The following KLHL36 variants were observed in gnomAD, a reference collection of about 807,000 sequenced individuals.
The protein encoded by KLHL36 is kelch like family member 36.
A neutral mutation model predicts 53.3 loss-of-function variants in KLHL36; 35 were observed. The observed-to-expected ratio is 0.66, with a 90% CI of 0.50 to 0.87. The LOEUF (loss-of-function observed/expected upper bound fraction) is 0.87, where lower values mean the gene tolerates loss of function less well. Among genes scored for constraint, KLHL36 ranks in the 40% least tolerant of loss-of-function variants. The pLI is 0.00. For synonymous variants in KLHL36, 472 were observed against 398.9 expected, an observed-to-expected ratio of 1.18 and a Z score of -2.18; for missense variants, 864 against 897.6, an observed-to-expected ratio of 0.96 and a Z score of 0.48.
At position 84,650,910 on chromosome 16, in the gene KLHL36, A is replaced by G. The variant is rs1418616088; in HGVS notation, c.43A>G (p.Lys15Glu). 2 of 1,611,474 alleles carry G rather than the reference A, an allele frequency of 1.2e-6. No individual in the cohort carries two copies. The highest frequency in any genetic ancestry group is 1.3e-5 in the African/African-American group (1 of 74,602). ...SRQTRVSRPYKISESSKVYRW... is the reference protein window; with the variant it reads ...SRQTRVSRPYEISESSKVYRW... The stretch of plus-strand genomic sequence containing the variant: ...GCAGACGCGAGTGTCTCGGCCATAC[A>G]AGATCAGCGAATCATCAAAGGTCTG... Residue 15 changes from lysine (K) to glutamate (E), a missense_variant, in exon 2 of 5, where the codon AAG becomes GAG. Transcript: ENST00000564996.
chr16:84,657,751 C>G lies in KLHL36; in HGVS notation c.944C>G (p.Thr315Ser). The G allele has an allele frequency of 1.9e-6, 3 of 1,612,044 alleles. No homozygotes were observed. The highest frequency in any genetic ancestry group is 2.5e-6 in the Non-Finnish European group (3 of 1,179,490). Reference sequence around the variant, plus strand: ...CGGTGTCTGGAGCTCAGTGACGACACCTGCTACCTGGACGCCAAGAGCGAG... The same window carrying G: ...CGGTGTCTGGAGCTCAGTGACGACAGCTGCTACCTGGACGCCAAGAGCGAG... Reference protein sequence around the residue: ...SERCLELSDDTCYLDAKSEQW... With the variant: ...SERCLELSDDSCYLDAKSEQW... The change falls in exon 3 of 5, where the codon ACC (threonine) becomes AGC (serine). Residue 315 changes from threonine to serine, a missense_variant. Transcript: ENST00000564996.
Position 84,661,460 on chromosome 16 carries a change from TC to T in KLHL36, c.1296-115del, listed in dbSNP as rs1907540406. 1 of 1,002,698 alleles carries T rather than the reference TC, an allele frequency of 1.0e-6. No homozygotes were observed. The highest frequency in any genetic ancestry group is 1.6e-5 in the African/African-American group (1 of 61,772). 62.1% of individuals were successfully genotyped at this position (1,002,698 alleles called of 1,614,324 possible). On this transcript the variant is annotated intron_variant, in intron 4 of 4. Coordinates refer to ENST00000564996, the MANE Select transcript of KLHL36 (RefSeq NM_024731.4). This position sits in a 1 kb window ranked among gnomAD's most constrained non-coding sequence, Gnocchi z 7.9. ...TATAGAGTGTTCATGGGGTGCCCAC[TC>T]CCTATATTCTTAAATCCTCATGGCC...
At chr16:84,658,688 G>A (rs1157028680) in intron 3 of KLHL36, 1 of 152,286 alleles carries the variant, frequency 6.6e-6, no homozygotes, top group African/African-American at 2.4e-5. Context: ...CTGGCGTAGG[G>A]AAGGTGTCTC....
At chr16:84,658,177 G>A (rs374341566) in intron 3 of KLHL36, 60 of 396,902 alleles carry the variant, frequency 1.5e-4, no homozygotes, top group Non-Finnish European at 2.2e-4. Context: ...ACTGCCTGGC[G>A]GGGCTTTCTG....
rs1275401496 is a variant in KLHL36 at position 84,648,828 on chromosome 16, G to C, written c.-17+179G>C. The C allele has an allele frequency of 6.7e-6, 1 of 150,264 alleles. No individual in the cohort carries two copies. Among genetic ancestry groups the C allele is most frequent in the African/African-American group, 2.4e-5 (1 of 41,188 alleles). 9.3% of individuals were successfully genotyped at this position (150,264 alleles called of 1,614,324 possible). ...GTGGGGGCGCCGCGGCCGGGGGAGG[G>C]GCCGCCGCCCCCGCAGGTGACACAG... On this transcript the variant is annotated intron_variant, in intron 1 of 4. Transcript: ENST00000564996. The surrounding 1 kb of genome is among the most constrained non-coding windows in gnomAD (Gnocchi z 4.9).
chr16:84,657,867 T>G lies in KLHL36; in HGVS notation c.1060T>G (p.Phe354Val). The change falls in exon 3 of 5, where the codon TTC becomes GTC. Residue 354 changes from phenylalanine to valine, a missense_variant. Physicochemically the swap from Phe to Val is conservative, Grantham distance 50. Transcript: ENST00000564996. ...GGFIFIAGGS[F>V]SRDNGGDAAS... is the part of the protein sequence containing the mutation. ...CTTCATCTTCATCGCCGGCGGCAGC[T>G]TCTCACGGGACAACGGAGGGGATGC... is the stretch of plus-strand genomic sequence containing the variant. 7 of 1,589,482 alleles carry G rather than the reference T, an allele frequency of 4.4e-6. No homozygotes were observed. The highest frequency in any genetic ancestry group is 5.1e-6 in the Non-Finnish European group (6 of 1,165,262).
At position 84,648,810 on chromosome 16, in the gene KLHL36, C is replaced by A. The variant is rs1906619391; in HGVS notation, c.-17+161C>A. On this transcript the variant is annotated intron_variant, in intron 1 of 4. Coordinates refer to ENST00000564996, the MANE Select transcript of KLHL36 (RefSeq NM_024731.4). The surrounding 1 kb of genome is among the most constrained non-coding windows in gnomAD (Gnocchi z 4.9). ...GGGCGGGCGGGTGGGCGAGTGGGGG[C>A]GCCGCGGCCGGGGGAGGGGCCGCCG... 1 of 149,568 alleles carries A rather than the reference C, an allele frequency of 6.7e-6. No individual in the cohort carries two copies. Among genetic ancestry groups the A allele is most frequent in the Middle Eastern group, 3.2e-3 (1 of 314 alleles). 9.3% of individuals were successfully genotyped at this position (149,568 alleles called of 1,614,324 possible). A position where few individuals can be genotyped will look rare whatever the true frequency, so the allele number is the denominator to read the frequency against.
In KLHL36 at chr16:84,650,934, T is replaced by C; in HGVS notation, c.63+4T>C. 1 of 1,608,796 alleles carries C rather than the reference T, an allele frequency of 6.2e-7. No individual in the cohort carries two copies. Among genetic ancestry groups the C allele is most frequent in the Non-Finnish European group, 8.5e-7 (1 of 1,177,914 alleles). On this transcript the variant is annotated splice_donor_region_variant and intron_variant, in intron 2 of 4. Coordinates refer to ENST00000564996, the MANE Select transcript of KLHL36 (RefSeq NM_024731.4). ...CAAGATCAGCGAATCATCAAAGGTC[T>C]GTGAATGTTCACTCACCACCTATGC...
rs1174858571 is a variant in KLHL36 at position 84,661,897 on chromosome 16, T to A, written c.1615T>A (p.Ser539Thr). The stretch of plus-strand genomic sequence containing the variant: ...GCCGCTGCTGCACGCCAACAGCGAG[T>A]CGGGCGTGGCAGTGTGGGAGGGCCG... Reference protein sequence around the residue: ...VAPLLHANSESGVAVWEGRIY... With the variant: ...VAPLLHANSETGVAVWEGRIY... The change falls in exon 5 of 5, where the codon TCG (serine) becomes ACG (threonine). Residue 539 changes from serine to threonine, a missense_variant. Coordinates refer to ENST00000564996, the MANE Select transcript of KLHL36 (RefSeq NM_024731.4). This position sits in a 1 kb window ranked among gnomAD's most constrained non-coding sequence, Gnocchi z 7.9. The A allele has an allele frequency of 6.3e-7, 1 of 1,599,062 alleles. No individual in the cohort carries two copies. The highest frequency in any genetic ancestry group is 8.6e-7 in the Non-Finnish European group (1 of 1,169,546).
At chr16:84,658,878 C>T (rs1236733023) in intron 3 of KLHL36, 2 of 152,128 alleles carry the variant, frequency 1.3e-5, no homozygotes, top group African/African-American at 2.4e-5. Flanking sequence ...CCTCCAAGGT[C>T]GAAGTGTCAC....
intron 2 of KLHL36, 41 bp downstream of exon 2, chr16:84,650,971 G>A: frequency 6.7e-7 from 1 of 1,497,068 alleles, no homozygotes; most frequent in Non-Finnish European, 9.1e-7. Flanking sequence ...AATTGCCTAA[G>A]AAGTGTGATC....
chr16:84,662,122 CG>C lies in KLHL36; in HGVS notation c.1844del (p.Gly615AlafsTer27). 2 of 1,542,024 alleles carry C rather than the reference CG, an allele frequency of 1.3e-6. No homozygotes were observed. The highest frequency in any genetic ancestry group is 1.7e-4 in the Middle Eastern group (1 of 5,930). The part of the protein sequence containing the change: ...KKGKGKRHQD[R>X]GQ ...AGGCAAAGGCAAGAGGCACCAGGAC[CG>C]GGGCCAGTGACCCTAGCTGCGCCTC... On this transcript the variant is annotated frameshift_variant, in exon 5 of 5. Transcript: ENST00000564996. LOFTEE classifies it high-confidence loss of function.
At chr16:84,656,741 C>T (rs1907224425) in intron 2 of KLHL36, 130 bp from the exon 3 acceptor site, 1 of 685,990 alleles carries the variant, frequency 1.5e-6, no homozygotes, top group Non-Finnish European at 2.5e-6. Flanking sequence ...CCTGCAGTGC[C>T]CTCTGATGCA....
At chr16:84,651,823 C>CT (rs1056738919) in intron 2 of KLHL36, among the ~76,000 whole-genome samples, 2 of 151,952 alleles carry the variant, frequency 1.3e-5, no homozygotes, top group African/African-American at 4.8e-5. Context: ...TAAGATTTTG[C>CT]TGGGGAGGCT....
At chr16:84,656,641 A>AAAG (rs113234294) in intron 2 of KLHL36, among the ~76,000 whole-genome samples, 1,719 of 149,564 alleles carry the variant, frequency 0.011, 40 homozygotes, top group African/African-American at 0.039. Flanking sequence ...CAAAAAAAAA[A>AAAG]AAAGAAAGAA....
intron 2 of KLHL36, among the ~76,000 whole-genome samples, chr16:84,654,008 C>G (rs1248194471): frequency 1.3e-5 from 2 of 152,172 alleles, no homozygotes; most frequent in East Asian, 3.9e-4. Flanking sequence ...ACTGCTCTTG[C>G]CCCCTGCCCC....
intron 4 of KLHL36, among the ~76,000 whole-genome samples, chr16:84,660,177 G>A (rs577132706): frequency 6.6e-6 from 1 of 152,304 alleles, no homozygotes; most frequent in African/African-American, 2.4e-5. Context: ...TGCAGTTGCT[G>A]AGCTTCAGAG....
intron 2 of KLHL36, among the ~76,000 whole-genome samples, chr16:84,655,006 T>A (rs1007358300): frequency 1.3e-5 from 2 of 152,040 alleles, no homozygotes; most frequent in Non-Finnish European, 2.9e-5. Context: ...TGAGAAAAAA[T>A]TTAAAAGCCC....
At position 84,657,519 on chromosome 16, in the gene KLHL36, C is replaced by T; in HGVS notation, c.712C>T (p.Pro238Ser). ...ARQVLENIHFPLIPKNDLLHR... is the reference protein window; with the variant it reads ...ARQVLENIHFSLIPKNDLLHR... ...CCAGGTGCTGGAGAACATCCACTTCCCGCTCATCCCCAAGAACGACCTGCT... is the reference window on the plus strand; with the variant it reads ...CCAGGTGCTGGAGAACATCCACTTCTCGCTCATCCCCAAGAACGACCTGCT... The change falls in exon 3 of 5, where the codon CCG becomes TCG. Residue 238 changes from proline (P) to serine (S), a missense_variant. Coordinates refer to ENST00000564996, the MANE Select transcript of KLHL36 (RefSeq NM_024731.4). 1.2e-6 allele frequency: 2 copies of T among 1,609,804 alleles called. No homozygotes were observed. The highest frequency in any genetic ancestry group is 1.7e-6 in the Non-Finnish European group (2 of 1,179,892).
Sources: gnomAD v4.1 joint callset for allele counts (sites outside exome capture counted in the v4.1 genomes callset) on GRCh38, gnomAD v4.1.1 for gene constraint, Gnocchi (gnomAD v3.1) non-coding constraint, MANE v1.5 for transcripts, NCBI Gene and HGNC (gene_info 2026-07-23, HGNC 2026-07-21) for gene names.